Variants in ACOX3 observed in about 807,000 individuals in gnomAD.
The protein encoded by ACOX3 is acyl-CoA oxidase 3, pristanoyl, also known as peroxisomal acyl-coenzyme A oxidase 3.
A neutral mutation model predicts 81.5 loss-of-function variants in ACOX3; 73 were observed. That is an observed-to-expected ratio of 0.90 (90% CI 0.74 to 1.09). The LOEUF (loss-of-function observed/expected upper bound fraction) is 1.09. ACOX3 is among the 50% of genes least tolerant of loss of function. ACOX3 has a pLI of 0.00. For synonymous variants in ACOX3, 387 were observed against 375.1 expected (o/e 1.03, Z -0.37); for missense variants, 947 against 928.0 (o/e 1.02, Z -0.27).
rs371832775 is a variant in ACOX3 at position 8,406,312 on chromosome 4, C to T, written c.688-269G>A. On this transcript the variant is annotated intron_variant, in intron 6 of 17. Coordinates refer to ENST00000356406, the MANE Select transcript of ACOX3 (RefSeq NM_003501.3). This position sits in a 1 kb window ranked among gnomAD's most constrained non-coding sequence, Gnocchi z 5.6. ...TCACCCAGGTGGGCCCTAAATCCCA[C>T]GGCAAGTGTCCTATGAGAATCAGAA... 2.6e-5 allele frequency among the ~76,000 whole-genome samples: 4 copies of T among 152,190 alleles called. No individual in the cohort carries two copies. The highest frequency in any genetic ancestry group is 4.8e-5 in the African/African-American group (2 of 41,430).
chr4:8,440,290 T>A (rs1174230311), intron 1 of ACOX3, among the ~76,000 whole-genome samples: 1 of 152,224 alleles, frequency 6.6e-6, no homozygotes, highest in Non-Finnish European at 1.5e-5. Context: ...TTTAATCCGG[T>A]GTCTGAGGAG....
Position 8,386,853 on chromosome 4 carries a change from A to G in ACOX3, c.1537+2320T>C, listed in dbSNP as rs534598610. Among the ~76,000 whole-genome samples the G allele has an allele frequency of 6.6e-6, 1 of 152,334 alleles. No homozygotes were observed. Among genetic ancestry groups the G allele is most frequent in the Admixed American group, 6.5e-5 (1 of 15,310 alleles). On this transcript the variant is annotated intron_variant, in intron 13 of 17. Transcript: ENST00000356406. The surrounding 1 kb of genome is among the most constrained non-coding windows in gnomAD (Gnocchi z 5.2). ...TGTCCTGTTCTTTGCCGTGTGAACA[A>G]GGAAGTAGCCTGTAGGGCTGGAGAC...
At chr4:8,361,425 C>CCAAAAAAAAAAAAAAAAAA (rs1560158854), downstream of ACOX3, among the ~76,000 whole-genome samples, 1 of 39,034 alleles carries the variant, frequency 2.6e-5, no homozygotes, top group Non-Finnish European at 4.2e-5. Flanking sequence ...GACTCTATCT[C>CCAAAAAAAAAAAAAAAAAA]AAAAAAAAAA....
intron 14 of ACOX3, among the ~76,000 whole-genome samples, chr4:8,377,438 G>A (rs1318847343): frequency 6.6e-6 from 1 of 151,686 alleles, no homozygotes; most frequent in African/African-American, 2.4e-5. Flanking sequence ...GTGCCAGTGA[G>A]TTTTGAAACA....
In ACOX3 at chr4:8,406,476, C is replaced by G. The variant is rs1402894850; in HGVS notation, c.688-433G>C. Among the ~76,000 whole-genome samples the G allele has an allele frequency of 2.0e-5, 3 of 152,192 alleles. No individual in the cohort carries two copies. Among genetic ancestry groups the G allele is most frequent in the Non-Finnish European group, 4.4e-5 (3 of 68,032 alleles). ...ACAAGAGAGCATAGAGATAAAGACACAAGACAAAGAGATAAAAGAAAAGAC... is the reference window on the plus strand; with the variant it reads ...ACAAGAGAGCATAGAGATAAAGACAGAAGACAAAGAGATAAAAGAAAAGAC... On this transcript the variant is annotated intron_variant, in intron 6 of 17. Coordinates refer to ENST00000356406, the MANE Select transcript of ACOX3 (RefSeq NM_003501.3). This position sits in a 1 kb window ranked among gnomAD's most constrained non-coding sequence, Gnocchi z 5.6.
In ACOX3 at chr4:8,415,648, C is replaced by T. The variant is rs1208867371; in HGVS notation, c.378+118G>A. The T allele has an allele frequency of 9.9e-6, 8 of 807,168 alleles. No individual in the cohort carries two copies. The African/African-American group carries it at 1.4e-4, about 14-fold the overall frequency. 50.0% of individuals were successfully genotyped at this position (807,168 alleles called of 1,614,324 possible). ...AAAAAAAGATAATTTTTAAAATTTG[C>T]AAATATAGCTGGACAAACTGGTGTT... On this transcript the variant is annotated intron_variant, in intron 3 of 17. Coordinates refer to ENST00000356406, the MANE Select transcript of ACOX3 (RefSeq NM_003501.3).
intron 1 of ACOX3, among the ~76,000 whole-genome samples, chr4:8,418,032 G>T (rs1182676946): frequency 1.3e-5 from 2 of 152,216 alleles, no homozygotes; most frequent in Non-Finnish European, 2.9e-5. Flanking sequence ...TGAAGAGATT[G>T]AATTAGCAAT....
chr4:8,403,007 A>C (rs1427763410), intron 7 of ACOX3, among the ~76,000 whole-genome samples: 1 of 152,142 alleles, frequency 6.6e-6, no homozygotes, highest in East Asian at 1.9e-4. Flanking sequence ...CTCAGGGCAA[A>C]CGCACGAAGA....
chr4:8,421,166 T>G (rs769961188), intron 1 of ACOX3, among the ~76,000 whole-genome samples: 2 of 152,148 alleles, frequency 1.3e-5, no homozygotes, highest in Non-Finnish European at 2.9e-5. Context: ...AAGCGGTGAG[T>G]AATATTGAAC....
At chr4:8,392,103 T>C (rs1045732573) in intron 11 of ACOX3, among the ~76,000 whole-genome samples, 2 of 152,250 alleles carry the variant, frequency 1.3e-5, no homozygotes, top group Non-Finnish European at 2.9e-5. Flanking sequence ...GTAAGCCACA[T>C]GGTCTCTGTC....
At chr4:8,402,432 G>A (rs1012098049) in intron 7 of ACOX3, among the ~76,000 whole-genome samples, 3 of 152,224 alleles carry the variant, frequency 2.0e-5, no homozygotes, top group African/African-American at 7.2e-5. Flanking sequence ...CGGTGCCAAT[G>A]GCCCCAGCGT....
intron 14 of ACOX3, among the ~76,000 whole-genome samples, chr4:8,375,364 A>G (rs1388514795): frequency 6.6e-6 from 1 of 152,202 alleles, no homozygotes; most frequent in African/African-American, 2.4e-5. Flanking sequence ...TGGAGCTGGG[A>G]CTGCTCTGGC....
At position 8,375,020 on chromosome 4, in the gene ACOX3, C is replaced by G. The variant is rs753581748; in HGVS notation, c.1786G>C (p.Ala596Pro). 3.2e-6 allele frequency: 5 copies of G among 1,553,094 alleles called. No homozygotes were observed. Among genetic ancestry groups the G allele is most frequent in the Non-Finnish European group, 3.5e-6 (4 of 1,147,700 alleles). The change falls in exon 15 of 18, where the codon GCC becomes CCC. Residue 596 changes from alanine (A) to proline (P), a missense_variant. Transcript: ENST00000356406. ...GCGTGGCGGCTCAGGGACCACAGGG[C>G]GTACAGAGCACTGAGCCGCCCCAGC... is the stretch of plus-strand genomic sequence containing the variant. ...AVLGRLSALY[A>P]LWSLSRHAAL...
intron 16 of ACOX3, 97 bp from the exon 17 acceptor site, chr4:8,371,091 G>T: frequency 8.9e-7 from 1 of 1,125,412 alleles, no homozygotes; most frequent in Non-Finnish European, 1.3e-6. Flanking sequence ...GGACCCACTA[G>T]CAACGGGTCA....
intron 13 of ACOX3, among the ~76,000 whole-genome samples, chr4:8,388,302 G>T (rs1311784678): frequency 6.6e-6 from 1 of 152,250 alleles, no homozygotes; most frequent in Non-Finnish European, 1.5e-5. Flanking sequence ...TTCTGTGTCT[G>T]CTGGTCTAGA....
In ACOX3 at chr4:8,432,534, G is replaced by C. The variant is rs1285757815; in HGVS notation, c.-15+8114C>G. On this transcript the variant is annotated intron_variant, in intron 1 of 17. Transcript: ENST00000356406. The surrounding 1 kb of genome is among the most constrained non-coding windows in gnomAD (Gnocchi z 6.2). ...AGGCGTGAGCCACCGCGCCCGGCCTGATTTTTTTTTTTAATTATAAACCCA... is the reference window on the plus strand; with the variant it reads ...AGGCGTGAGCCACCGCGCCCGGCCTCATTTTTTTTTTTAATTATAAACCCA... Among the ~76,000 whole-genome samples, 1 of 151,478 alleles carries C rather than the reference G, an allele frequency of 6.6e-6. No individual in the cohort carries two copies. The highest frequency in any genetic ancestry group is 1.5e-5 in the Non-Finnish European group (1 of 67,970).
chr4:8,378,961 G>C (rs1300449787), intron 14 of ACOX3, among the ~76,000 whole-genome samples: 1 of 152,166 alleles, frequency 6.6e-6, no homozygotes, highest in African/African-American at 2.4e-5. Context: ...GTGTGGCTTT[G>C]ACCTGCAGCT....
At chr4:8,359,311 C>T in the ACOX3 span, among the ~76,000 whole-genome samples, 2 of 152,030 alleles carry the variant, frequency 1.3e-5, no homozygotes, top group African/African-American at 2.4e-5. The surrounding 1 kb of genome is among the most constrained non-coding windows in gnomAD (Gnocchi z 6.0). Context: ...GGGTTAGAGG[C>T]CCAACGTAGG....
intron 1 of ACOX3, among the ~76,000 whole-genome samples, chr4:8,434,493 T>C (rs1327876385): frequency 6.6e-6 from 1 of 152,266 alleles, no homozygotes; most frequent in African/African-American, 2.4e-5. Context: ...CCAGCCAGCT[T>C]GCGCGATGCA....
Sources: allele counts gnomAD v4.1 joint callset (sites outside exome capture counted in the v4.1 genomes callset), GRCh38; gene constraint gnomAD v4.1.1; non-coding constraint Gnocchi (gnomAD v3.1); transcripts MANE v1.5; gene names NCBI Gene and HGNC (gene_info 2026-07-23, HGNC 2026-07-21).